Variants in MGAT5 observed in about 807,000 individuals in gnomAD.
The protein encoded by MGAT5 is alpha-1,6-mannosylglycoprotein 6-beta-N-acetylglucosaminyltransferase.
Under a neutral mutation model 94.3 loss-of-function variants are expected in MGAT5, and 30 were observed. That is an observed-to-expected ratio of 0.32 (90% CI 0.24 to 0.43). The LOEUF (loss-of-function observed/expected upper bound fraction) is 0.43. Ranked by LOEUF, MGAT5 falls within the 20% of genes least tolerant of loss-of-function variation. MGAT5 has a pLI of 1.00. For missense variants in MGAT5, 691 were observed against 905.5 expected, an observed-to-expected ratio of 0.76 and a Z score of 3.04; for synonymous variants, 310 against 322.9, an observed-to-expected ratio of 0.96 and a Z score of 0.43.
chr2:134,304,254 C>T (rs1686199568), intron 2 of MGAT5, among the ~76,000 whole-genome samples: 1 of 152,114 alleles, frequency 6.6e-6, no homozygotes, highest in African/African-American at 2.4e-5. Context: ...CAATAACCAC[C>T]ATTTCTAGGT....
chr2:134,240,360 T>G (rs76488858), intron 1 of MGAT5, among the ~76,000 whole-genome samples: 11 of 34,904 alleles, frequency 3.2e-4, no homozygotes, highest in East Asian at 2.5e-3. Flanking sequence ...TGAAAGTGTT[T>G]TTTTTTTTTT....
At chr2:134,406,256 G>T (rs937945545) in intron 11 of MGAT5, among the ~76,000 whole-genome samples, 1 of 152,152 alleles carries the variant, frequency 6.6e-6, no homozygotes, top group African/African-American at 2.4e-5. Flanking sequence ...TTGTGAGCTG[G>T]ACCAGTACCG....
rs1219165560 is a variant in MGAT5, at chr2:134,195,449, CT to C, written c.-142-58810del. 2.0e-5 allele frequency among the ~76,000 whole-genome samples: 3 copies of C among 152,176 alleles called. No individual in the cohort carries two copies. The East Asian group carries it at 5.8e-4, about 29-fold the overall frequency. On this transcript the variant is annotated intron_variant, in intron 1 of 16. Coordinates refer to the MGAT5 transcript ENST00000409645. ...TTTTATCTGCTTAAGTTGGAGTATACTTTCCTAGAATTATCCTAGAAATGAT... is the reference window on the plus strand; with the variant it reads ...TTTTATCTGCTTAAGTTGGAGTATACTTCCTAGAATTATCCTAGAAATGAT...
At chr2:134,437,386 G>C (rs1324035923) in intron 14 of MGAT5, among the ~76,000 whole-genome samples, 3 of 152,198 alleles carry the variant, frequency 2.0e-5, no homozygotes, top group African/African-American at 7.2e-5. Flanking sequence ...AAACTCAGTA[G>C]GTACAGAGAT....
intron 10 of MGAT5, among the ~76,000 whole-genome samples, chr2:134,381,369 A>AGATAGATAGATAGATAGAT (rs1553457670): frequency 5.1e-4 from 28 of 55,166 alleles, no homozygotes; most frequent in East Asian, 2.5e-3. Flanking sequence ...ATAGATAGAT[A>AGATAGATAGATAGATAGAT]AGATAAGATA....
At chr2:134,399,268 C>G (rs183577408) in intron 10 of MGAT5, among the ~76,000 whole-genome samples, 9 of 152,154 alleles carry the variant, frequency 5.9e-5, no homozygotes, top group South Asian at 4.1e-4. Context: ...ACCACTCCCC[C>G]CTGCTGTGGA....
intron 10 of MGAT5, among the ~76,000 whole-genome samples, chr2:134,397,600 ATGCTATTTAGGAAGGAGGACCC>A (rs1682793711): frequency 6.6e-6 from 1 of 152,178 alleles, no homozygotes; most frequent in Non-Finnish European, 1.5e-5. Flanking sequence ...TAATTCTGCG[ATGCTATTTAGGAAGGAGGACCC>A]CATCACCCCA....
intron 9 of MGAT5, among the ~76,000 whole-genome samples, chr2:134,359,290 T>C (rs1679938583): frequency 6.6e-6 from 1 of 152,236 alleles, no homozygotes; most frequent in African/African-American, 2.4e-5. Flanking sequence ...CAGAAAATTA[T>C]TTGGACTATG....
At chr2:134,186,525 A>G (rs1276900708) in intron 1 of MGAT5, among the ~76,000 whole-genome samples, 2 of 152,098 alleles carry the variant, frequency 1.3e-5, no homozygotes, top group Non-Finnish European at 2.9e-5. Context: ...TGGGTTGTCA[A>G]ATGATTTTGT....
intron 10 of MGAT5, among the ~76,000 whole-genome samples, chr2:134,394,524 C>A (rs950170943): frequency 1.3e-5 from 2 of 152,068 alleles, no homozygotes; most frequent in Non-Finnish European, 2.9e-5. Flanking sequence ...TAAGAGAGAC[C>A]AATATATAGA....
At chr2:134,257,836 C>CTTTTTTTTTTTTT (rs10628858) in intron 1 of MGAT5, among the ~76,000 whole-genome samples, 5 of 106,414 alleles carry the variant, frequency 4.7e-5, no homozygotes, top group East Asian at 3.2e-4. Context: ...TTTGCAGTCT[C>CTTTTTTTTTTTTT]TTTTTTTTTT....
At chr2:134,129,844 G>C (rs111759240) in intron 1 of MGAT5, among the ~76,000 whole-genome samples, 1 of 152,212 alleles carries the variant, frequency 6.6e-6, no homozygotes, top group African/African-American at 2.4e-5. Flanking sequence ...TCTGGCCACC[G>C]TTGAGCAGCC....
chr2:134,257,222 G>T (rs1049067803), intron 1 of MGAT5, among the ~76,000 whole-genome samples: 2 of 152,110 alleles, frequency 1.3e-5, no homozygotes, highest in Non-Finnish European at 2.9e-5. Context: ...GCAGATAACT[G>T]GTTTTAGTTT....
intron 9 of MGAT5, among the ~76,000 whole-genome samples, 153 bp downstream of exon 9, chr2:134,350,091 T>TTTTTTGTTTTTG (rs10530206): frequency 0.92 from 139,815 of 151,694 alleles, 65,178 homozygotes; most frequent in Non-Finnish European, 0.99. Flanking sequence ...CTGAATTTGT[T>TTTTTTGTTTTTG]TTTTTGTTTT....
intron 1 of MGAT5, among the ~76,000 whole-genome samples, chr2:134,162,916 T>A (rs1381340986): frequency 6.6e-6 from 1 of 152,216 alleles, no homozygotes; most frequent in Admixed American, 6.5e-5. Flanking sequence ...ACCTTAGTGG[T>A]CTGAGAATCT....
chr2:134,388,851 T>C (rs1682213149), intron 10 of MGAT5, among the ~76,000 whole-genome samples: 1 of 150,556 alleles, frequency 6.6e-6, no homozygotes, highest in Non-Finnish European at 1.5e-5. Flanking sequence ...AACCTCCACC[T>C]CCCGGTTCAA....
chr2:134,224,938 G>A (rs1411321059), intron 1 of MGAT5, among the ~76,000 whole-genome samples: 1 of 151,998 alleles, frequency 6.6e-6, no homozygotes, highest in Non-Finnish European at 1.5e-5. Flanking sequence ...AAATTAGCCA[G>A]GTGTGGTGTT....
At chr2:134,383,011 T>G (rs4953917) in intron 10 of MGAT5, among the ~76,000 whole-genome samples, 1 of 152,134 alleles carries the variant, frequency 6.6e-6, no homozygotes, top group African/African-American at 2.4e-5. Context: ...TTGATAGAGG[T>G]GAGTCCTTTT....
chr2:134,277,680 A>G (rs1029409351), intron 2 of MGAT5, among the ~76,000 whole-genome samples: 1 of 152,250 alleles, frequency 6.6e-6, no homozygotes, highest in Admixed American at 6.5e-5. Context: ...GCATAAAGTC[A>G]GTACTGTATG....
Sources: allele counts gnomAD v4.1 joint callset (sites outside exome capture counted in the v4.1 genomes callset), GRCh38; gene constraint gnomAD v4.1.1; transcripts MANE v1.5; gene names NCBI Gene and HGNC (gene_info 2026-07-23, HGNC 2026-07-21).